Variants in LETM1 observed in about 807,000 individuals in gnomAD.
LETM1 encodes the protein leucine zipper and EF-hand containing transmembrane protein 1.
Under a neutral mutation model 74.5 loss-of-function variants are expected in LETM1, and 50 were observed. The ratio of observed to expected loss-of-function variants is 0.67; its 90% CI spans 0.53 to 0.85. LETM1 has a LOEUF of 0.85. Ranked by LOEUF, LETM1 falls within the 40% of genes least tolerant of loss-of-function variation. LETM1 has a pLI of 0.00. For missense variants in LETM1, 824 were observed against 967.8 expected (o/e 0.85, Z 1.97); for synonymous variants, 446 against 407.1 (o/e 1.10, Z -1.15).
At chr4:1,851,998 G>A (rs1713085888) in intron 1 of LETM1, among the ~76,000 whole-genome samples, 1 of 152,218 alleles carries the variant, frequency 6.6e-6, no homozygotes, top group Admixed American at 6.5e-5. Context: ...CGTCCCTCAC[G>A]AGCACAGGTG....
At chr4:1,826,577 C>T (rs978975944) in intron 6 of LETM1, among the ~76,000 whole-genome samples, 3 of 152,244 alleles carry the variant, frequency 2.0e-5, no homozygotes, top group African/African-American at 7.2e-5. Flanking sequence ...GCTCTCTGAA[C>T]AGGATCATGC....
chr4:1,853,425 A>C (rs1268820317), intron 1 of LETM1, among the ~76,000 whole-genome samples: 1 of 152,246 alleles, frequency 6.6e-6, no homozygotes, highest in Non-Finnish European at 1.5e-5. Flanking sequence ...GACAGCATGG[A>C]GCCTCGGCGG....
chr4:1,816,879 A>C lies in LETM1; in HGVS notation c.1779T>G (p.Thr593=). ...LQEIKKELSK[T]GEEKYVEESK... ...ATTCTTCCACGTACTTTTCTTCACC[A>C]GTCTTTGAAAGTTCCTTCTTGATCT... The change falls in exon 12 of 14, where the codon ACT becomes ACG. Residue 593 remains threonine (T), a synonymous_variant. Transcript: ENST00000302787. 1 of 1,613,898 alleles carries C rather than the reference A, an allele frequency of 6.2e-7. No individual in the cohort carries two copies.
In LETM1 at chr4:1,834,957, C is replaced by T. The variant is rs1712410833; in HGVS notation, c.764G>A (p.Arg255Gln). The T allele has an allele frequency of 6.2e-7, 1 of 1,613,920 alleles. No individual in the cohort carries two copies. Among genetic ancestry groups the T allele is most frequent in the African/African-American group, 1.3e-5 (1 of 74,906 alleles). Residue 255 changes from arginine to glutamine, a missense_variant, in exon 5 of 14, where the codon CGG becomes CAG. Transcript: ENST00000302787. This position sits in a 1 kb window ranked among gnomAD's most constrained non-coding sequence, Gnocchi z 5.0. ...GAACTTGGCCAGCTCCAGCTTGACC[C>T]GAAGCTCCTTCTTCAGCCTCTCCTC... is the stretch of plus-strand genomic sequence containing the variant. ...LKEERLKKEL[R>Q]VKLELAKFLQ...
At chr4:1,829,508 C>T (rs571084288) in intron 6 of LETM1, among the ~76,000 whole-genome samples, 92 of 152,350 alleles carry the variant, frequency 6.0e-4, no homozygotes, top group African/African-American at 2.2e-3. Context: ...TCAAATTTTC[C>T]CCTAATGGTA....
rs141887003 is a variant in LETM1 at position 1,841,606 on chromosome 4, C to A, written c.335G>T (p.Arg112Leu). Residue 112 changes from arginine (R) to leucine (L), a missense_variant, in exon 3 of 14, where the codon CGC (arginine) becomes CTC (leucine). Arg to Leu is a moderately radical substitution (Grantham distance 102). Transcript: ENST00000302787. ...CLPVRGWHSS[R>L]PVRDDSVVEK... ...TACTACCGAGTCATCGCGAACAGGGCGCGAAGAGTGCCAGCCACGCACAGG... is the reference window on the plus strand; with the variant it reads ...TACTACCGAGTCATCGCGAACAGGGAGCGAAGAGTGCCAGCCACGCACAGG... 2.5e-6 allele frequency: 4 copies of A among 1,614,146 alleles called. No individual in the cohort carries two copies. The highest frequency in any genetic ancestry group is 3.4e-6 in the Non-Finnish European group (4 of 1,180,038).
chr4:1,842,177 T>C (rs1053226969), intron 2 of LETM1, among the ~76,000 whole-genome samples: 1 of 151,852 alleles, frequency 6.6e-6, no homozygotes, highest in African/African-American at 2.4e-5. Context: ...GGGAATGGAG[T>C]GCAGAGCAGA....
At chr4:1,849,360 G>C in intron 1 of LETM1, 151 bp from the exon 2 acceptor site, 1 of 623,398 alleles carries the variant, frequency 1.6e-6, no homozygotes. Flanking sequence ...CACCTCCTGG[G>C]TTTAATTGAT....
At chr4:1,833,151 A>C in intron 5 of LETM1, 1 of 569,092 alleles carries the variant, frequency 1.8e-6, no homozygotes, top group Non-Finnish European at 3.1e-6. Flanking sequence ...GGTTCACTGC[A>C]ACCTCCACCT....
At chr4:1,829,418 G>A (rs1165477917) in intron 6 of LETM1, among the ~76,000 whole-genome samples, 4 of 152,106 alleles carry the variant, frequency 2.6e-5, no homozygotes, top group East Asian at 1.9e-4. Flanking sequence ...CCTCCCTCCC[G>A]GACAGTTCTT....
chr4:1,848,733 A>AG (rs1560508596), intron 2 of LETM1, among the ~76,000 whole-genome samples: 3 of 150,840 alleles, frequency 2.0e-5, no homozygotes, highest in Non-Finnish European at 3.0e-5. Flanking sequence ...AAAAAAAAAA[A>AG]AAAGAAAAAA....
At chr4:1,840,390 G>A (rs1712644654) in intron 3 of LETM1, among the ~76,000 whole-genome samples, 1 of 150,390 alleles carries the variant, frequency 6.6e-6, no homozygotes, top group Non-Finnish European at 1.5e-5. Context: ...AAATAAGGTT[G>A]GGCGCGGTGG....
In LETM1 at chr4:1,832,826, A is replaced by G. The variant is rs1712324401; in HGVS notation, c.998T>C (p.Leu333Pro). 1.2e-6 allele frequency: 2 copies of G among 1,614,188 alleles called. No individual in the cohort carries two copies. The highest frequency in any genetic ancestry group is 3.3e-5 in the Admixed American group (2 of 60,032). Residue 333 changes from leucine (L) to proline (P), a missense_variant, in exon 6 of 14, where the codon CTG becomes CCG. Physicochemically the swap from Leu to Pro is moderately conservative, Grantham distance 98. Around this residue, in one of 4 missense-constraint regions of LETM1, gnomAD observed 269 missense variants for 348.8 expected, o/e 0.77. Transcript: ENST00000302787. ...GTTGGTGCCGATGGACTGTAGCTCC[A>G]GCAGCTTGCACAGGGCCACCAGCTG... ...RPQLVALCKL[L>P]ELQSIGTNNF...
chr4:1,816,715 C>G lies in LETM1; in HGVS notation c.1931+12G>C, dbSNP rs762334176. On this transcript the variant is annotated intron_variant, in intron 12 of 13. Transcript: ENST00000302787. ...TCTCCGATCCCTCTCCCGCGCCCAC[C>G]ACCCCACTCACCCCGTGGGCATGCC... 3 of 1,611,104 alleles carry G rather than the reference C, an allele frequency of 1.9e-6. No homozygotes were observed. The highest frequency in any genetic ancestry group is 2.5e-6 in the Non-Finnish European group (3 of 1,177,516).
intron 11 of LETM1, 129 bp from the exon 12 acceptor site, chr4:1,817,043 C>T (rs1049987521): frequency 1.0e-5 from 7 of 681,804 alleles, no homozygotes; most frequent in Middle Eastern, 4.3e-4. Flanking sequence ...GTTAGGAGTT[C>T]GAGACCAGCC....
At position 1,836,461 on chromosome 4, in the gene LETM1, A is replaced by G; in HGVS notation, c.706T>C (p.Leu236=). The G allele has an allele frequency of 2.5e-6, 4 of 1,614,052 alleles. No homozygotes were observed. The highest frequency in any genetic ancestry group is 3.3e-4 in the Middle Eastern group (2 of 6,060). ...PVAVKLFPNM[L]PSTFETQSLK... ...GACTGAGTCTCAAATGTGGATGGCA[A>G]CATGTTGGGGAAGAGCTTCACAGCA... Residue 236 remains leucine (L), a synonymous_variant, in exon 4 of 14, where the codon TTG becomes CTG. Coordinates refer to ENST00000302787, the MANE Select transcript of LETM1 (RefSeq NM_012318.3). This position sits in a 1 kb window ranked among gnomAD's most constrained non-coding sequence, Gnocchi z 5.8.
At chr4:1,843,641 G>A (rs1712781796) in intron 2 of LETM1, among the ~76,000 whole-genome samples, 1 of 152,220 alleles carries the variant, frequency 6.6e-6, no homozygotes, top group Non-Finnish European at 1.5e-5. Context: ...GGTGCCTGGT[G>A]GACACCAATG....
At chr4:1,854,151 CA>C (rs1221057402) in intron 1 of LETM1, among the ~76,000 whole-genome samples, 3 of 152,172 alleles carry the variant, frequency 2.0e-5, no homozygotes, top group Non-Finnish European at 4.4e-5. Flanking sequence ...CTCACCACTC[CA>C]AAAGTTTCAG....
intron 13 of LETM1, among the ~76,000 whole-genome samples, chr4:1,815,452 A>T (rs574235809): frequency 6.6e-6 from 1 of 152,174 alleles, no homozygotes; most frequent in Non-Finnish European, 1.5e-5. Flanking sequence ...TTTCTCTCTC[A>T]ACACTTGAGT....
Sources: allele counts gnomAD v4.1 joint callset (sites outside exome capture counted in the v4.1 genomes callset), GRCh38; gene constraint gnomAD v4.1.1; regional missense constraint gnomAD v4.1.1; non-coding constraint Gnocchi (gnomAD v3.1); transcripts MANE v1.5; gene names NCBI Gene and HGNC (gene_info 2026-07-23, HGNC 2026-07-21).